Variants in ANTXR2 observed in about 807,000 individuals in gnomAD.
The protein encoded by ANTXR2 is ANTXR cell adhesion molecule 2, also known as anthrax toxin receptor 2.
Under a neutral mutation model 73.7 loss-of-function variants are expected in ANTXR2, and 44 were observed. The observed-to-expected ratio is 0.60, with a 90% CI of 0.47 to 0.77. ANTXR2 has a LOEUF of 0.77. ANTXR2 is among the 30% of genes least tolerant of loss of function. The pLI is 0.00. For synonymous variants in ANTXR2, 217 were observed against 205.9 expected (o/e 1.05, Z -0.46); for missense variants, 604 against 592.5 (o/e 1.02, Z -0.20).
At chr4:80,045,456 C>T (rs1006274407) in intron 7 of ANTXR2, among the ~76,000 whole-genome samples, 4 of 151,674 alleles carry the variant, frequency 2.6e-5, no homozygotes, top group Middle Eastern at 3.4e-3. Context: ...CACTGGCAAC[C>T]GATCATCACA....
rs538626846 is a variant in ANTXR2 at position 80,060,374 on chromosome 4, T to C, written c.297-4361A>G. Among the ~76,000 whole-genome samples the C allele has an allele frequency of 1.6e-4, 24 of 152,326 alleles. No homozygotes were observed. The East Asian group carries it at 4.6e-3, about 29-fold the overall frequency. On this transcript the variant is annotated intron_variant, in intron 3 of 16. Coordinates refer to ENST00000403729, the MANE Select transcript of ANTXR2 (RefSeq NM_058172.6). ...CGCTGCCAGGATTAAGAACCTCTGA[T>C]CTAACCTAATTTTAAAACTTTCTTG...
intron 16 of ANTXR2, among the ~76,000 whole-genome samples, chr4:79,960,904 A>C (rs1041369033): frequency 2.6e-5 from 4 of 151,996 alleles, no homozygotes; most frequent in African/African-American, 9.7e-5. Context: ...AAAATGAGAG[A>C]TATTTAGCAA....
chr4:79,912,644 A>G (rs772400325), intron 16 of ANTXR2, among the ~76,000 whole-genome samples: 2 of 152,130 alleles, frequency 1.3e-5, no homozygotes, highest in African/African-American at 4.8e-5. Context: ...TTAAAAACTT[A>G]CATTCTTTGA....
intron 16 of ANTXR2, among the ~76,000 whole-genome samples, chr4:79,933,983 C>T (rs1394466131): frequency 6.6e-6 from 1 of 152,006 alleles, no homozygotes; most frequent in Non-Finnish European, 1.5e-5. Flanking sequence ...CGTGATCCGC[C>T]CGCCTCGGCC....
chr4:79,999,458 C>T (rs1730909949), intron 12 of ANTXR2, among the ~76,000 whole-genome samples: 2 of 151,958 alleles, frequency 1.3e-5, no homozygotes, highest in African/African-American at 2.4e-5. Context: ...GTCAATTAAA[C>T]CTTTCTTTAT....
At chr4:80,029,070 T>C (rs906126074) in intron 10 of ANTXR2, among the ~76,000 whole-genome samples, 2 of 152,238 alleles carry the variant, frequency 1.3e-5, no homozygotes, top group African/African-American at 4.8e-5. Context: ...AAAATCTAAA[T>C]GAATGATGAT....
At chr4:80,032,644 A>C (rs773474406) in intron 9 of ANTXR2, among the ~76,000 whole-genome samples, 11 of 151,908 alleles carry the variant, frequency 7.2e-5, no homozygotes, top group Non-Finnish European at 1.3e-4. Context: ...TGGCAGATGA[A>C]TCTAAAAAAA....
intron 1 of ANTXR2, 58 bp downstream of exon 1, chr4:80,072,351 C>A (rs62300371): frequency 2.0e-6 from 3 of 1,499,268 alleles, no homozygotes; most frequent in Non-Finnish European, 2.7e-6. Flanking sequence ...CAGCCTCAGC[C>A]CCAGCTGATC....
At chr4:80,026,940 G>GGC (rs1160839945) in intron 10 of ANTXR2, among the ~76,000 whole-genome samples, 1 of 152,042 alleles carries the variant, frequency 6.6e-6, no homozygotes, top group Non-Finnish European at 1.5e-5. Flanking sequence ...CAGATGAGGT[G>GGC]AACTTATCAC....
intron 16 of ANTXR2, among the ~76,000 whole-genome samples, chr4:79,953,204 G>A (rs921125062): frequency 6.6e-6 from 1 of 152,110 alleles, no homozygotes; most frequent in African/African-American, 2.4e-5. Flanking sequence ...ATTTGCCTCA[G>A]TTTTCACTAA....
intron 16 of ANTXR2, among the ~76,000 whole-genome samples, chr4:79,976,261 T>C (rs1290949504): frequency 1.3e-5 from 2 of 152,158 alleles, no homozygotes; most frequent in African/African-American, 4.8e-5. Context: ...GTTCATTAAG[T>C]TTATTCCCTT....
rs377639912 is a variant in ANTXR2 at position 79,961,960 on chromosome 4, A to G, written c.1428+15661T>C. 6.0e-4 allele frequency among the ~76,000 whole-genome samples: 92 copies of G among 152,282 alleles called. 1 individual carries two copies. The highest frequency in any genetic ancestry group is 2.1e-3 in the African/African-American group (86 of 41,570). ...CCACTAAATAGCTAATAATGCCTAT[A>G]TGGGGAGGGGAGACAACTAAGTACC... On this transcript the variant is annotated intron_variant, in intron 16 of 16. Coordinates refer to ENST00000403729, the MANE Select transcript of ANTXR2 (RefSeq NM_058172.6).
At chr4:80,012,325 C>A (rs1301153875) in intron 11 of ANTXR2, among the ~76,000 whole-genome samples, 3 of 150,362 alleles carry the variant, frequency 2.0e-5, no homozygotes, top group Admixed American at 1.3e-4. Context: ...TGGTAAGACC[C>A]CAGCAAGCTA....
At chr4:79,945,209 AG>A (rs1483953247) in intron 16 of ANTXR2, among the ~76,000 whole-genome samples, 6 of 152,092 alleles carry the variant, frequency 3.9e-5, no homozygotes, top group Admixed American at 3.9e-4. Context: ...AACACTAAGT[AG>A]GTTAAGCAAT....
At chr4:79,990,396 A>AAAAC in intron 12 of ANTXR2, among the ~76,000 whole-genome samples, 1 of 150,886 alleles carries the variant, frequency 6.6e-6, no homozygotes, top group Non-Finnish European at 1.5e-5. Context: ...AAAAAAAAAA[A>AAAAC]AAAAAACACC....
intron 16 of ANTXR2, among the ~76,000 whole-genome samples, chr4:79,929,791 G>A (rs1483224575): frequency 6.6e-6 from 1 of 152,050 alleles, no homozygotes; most frequent in East Asian, 1.9e-4. Flanking sequence ...AGTATAATTT[G>A]AACTATAACC....
At chr4:80,037,583 C>A (rs919378403) in intron 7 of ANTXR2, among the ~76,000 whole-genome samples, 2 of 152,110 alleles carry the variant, frequency 1.3e-5, no homozygotes, top group Non-Finnish European at 2.9e-5. Context: ...GACCTTTCTG[C>A]ACCCAAATAC....
chr4:79,985,158 C>A lies in ANTXR2; in HGVS notation c.1042-295G>T, dbSNP rs34887464. On this transcript the variant is annotated intron_variant, in intron 12 of 16. Transcript: ENST00000403729. ...GGTCAGCAGATCGAGACCATCCTGG[C>A]TAACACGGTGAAACCCCGTCTCTAC... Among the ~76,000 whole-genome samples the A allele has an allele frequency of 0.07, 10,653 of 151,922 alleles. 448 individuals carry two copies. Among genetic ancestry groups the A allele is most frequent in the Middle Eastern group, 0.11 (31 of 294 alleles).
chr4:80,005,171 G>A (rs1731244614), intron 12 of ANTXR2, among the ~76,000 whole-genome samples: 1 of 152,064 alleles, frequency 6.6e-6, no homozygotes, highest in Non-Finnish European at 1.5e-5. Context: ...TTCTTTCCAT[G>A]TTCTCTGTAT....
Sources: gnomAD v4.1 joint callset for allele counts (sites outside exome capture counted in the v4.1 genomes callset) on GRCh38, gnomAD v4.1.1 for gene constraint, MANE v1.5 for transcripts, NCBI Gene and HGNC (gene_info 2026-07-23, HGNC 2026-07-21) for gene names.